Variants in PIK3CD observed in about 807,000 individuals in gnomAD.
The protein encoded by PIK3CD is phosphatidylinositol 4,5-bisphosphate 3-kinase catalytic subunit delta isoform.
In PIK3CD, 20 loss-of-function variants were observed where a neutral mutation model predicts 122.9. The ratio of observed to expected loss-of-function variants is 0.16; its 90% CI spans 0.11 to 0.24. The LOEUF is 0.24. Ranked by LOEUF, PIK3CD falls within the 10% of genes least tolerant of loss-of-function variation. PIK3CD has a pLI of 1.00. For synonymous variants in PIK3CD, 596 were observed against 593.4 expected (o/e 1.00, Z -0.06); for missense variants, 787 against 1,406.3 (o/e 0.56, Z 7.04).
chr1:9,714,461 C>T (rs1316188774), intron 3 of PIK3CD, among the ~76,000 whole-genome samples: 1 of 152,114 alleles, frequency 6.6e-6, no homozygotes, highest in Non-Finnish European at 1.5e-5. Context: ...GGGTGGTTTG[C>T]TCACCCCTGG....
chr1:9,723,755 G>A lies in PIK3CD; in HGVS notation c.2595-214G>A, dbSNP rs113048577. The stretch of plus-strand genomic sequence containing the variant: ...AGCCTCACCTTCCTTCCGTGGCTCT[G>A]TATTGAGGGTATGGGGTTCAAGATC... On this transcript the variant is annotated intron_variant, in intron 20 of 23. Coordinates refer to ENST00000377346, the MANE Select transcript of PIK3CD (RefSeq NM_005026.5). The surrounding 1 kb of genome is among the most constrained non-coding windows in gnomAD (Gnocchi z 4.9). 1.3e-5 allele frequency among the ~76,000 whole-genome samples: 2 copies of A among 152,286 alleles called. No homozygotes were observed. The highest frequency in any genetic ancestry group is 4.8e-5 in the African/African-American group (2 of 41,552).
Position 9,689,792 on chromosome 1 carries a change from C to G in PIK3CD, c.-137-1675C>G, listed in dbSNP as rs1646127782. On this transcript the variant is annotated intron_variant, in intron 1 of 23. Coordinates refer to ENST00000377346, the MANE Select transcript of PIK3CD (RefSeq NM_005026.5). The surrounding 1 kb of genome is among the most constrained non-coding windows in gnomAD (Gnocchi z 6.1). The stretch of plus-strand genomic sequence containing the variant: ...GCCCCCAGCCCCGCCGGGCGTCCCA[C>G]CCCGCCCAGCCCCGGGCTTTGTCCG... Among the ~76,000 whole-genome samples, 2 of 151,992 alleles carry G rather than the reference C, an allele frequency of 1.3e-5. No homozygotes were observed. The highest frequency in any genetic ancestry group is 4.1e-4 in the South Asian group (2 of 4,822).
At chr1:9,650,843 C>CCTTTT (rs1644658566), upstream of PIK3CD, among the ~76,000 whole-genome samples, 1 of 146,724 alleles carries the variant, frequency 6.8e-6, no homozygotes, top group Admixed American at 6.8e-5. Context: ...TGGAGATTTT[C>CCTTTT]CTTTTCTTTT....
In PIK3CD at chr1:9,689,544, C is replaced by G. The variant is rs1209226513; in HGVS notation, c.-137-1923C>G. Among the ~76,000 whole-genome samples the G allele has an allele frequency of 1.4e-5, 2 of 147,916 alleles. No individual in the cohort carries two copies. Among genetic ancestry groups the G allele is most frequent in the Admixed American group, 6.7e-5 (1 of 14,928 alleles). ...GTCCCAGCCCCGCCCCGGGCCGCGC[C>G]CCTCCGCCGAGCCCCGCTTGCCTGC... On this transcript the variant is annotated intron_variant, in intron 1 of 23. Transcript: ENST00000377346. This position sits in a 1 kb window ranked among gnomAD's most constrained non-coding sequence, Gnocchi z 6.1.
chr1:9,645,015 CTT>C, the PIK3CD span, among the ~76,000 whole-genome samples: 1 of 105,392 alleles, frequency 9.5e-6, no homozygotes, highest in Non-Finnish European at 1.7e-5. Flanking sequence ...CTTTTCTTTT[CTT>C]TTCTTTTCTT....
the PIK3CD span, among the ~76,000 whole-genome samples, chr1:9,640,561 A>C: frequency 6.6e-6 from 1 of 151,970 alleles, no homozygotes; most frequent in Non-Finnish European, 1.5e-5. Context: ...CCTGGGCAAC[A>C]AGAGCAAAAC....
At chr1:9,639,938 C>T in the PIK3CD span, among the ~76,000 whole-genome samples, 150 of 152,040 alleles carry the variant, frequency 9.9e-4, no homozygotes, top group Non-Finnish European at 1.7e-3. Context: ...GACGAGGGCT[C>T]ACTATGTTTC....
the PIK3CD span, among the ~76,000 whole-genome samples, chr1:9,638,107 A>AAAATAAAT: frequency 9.5e-3 from 1,441 of 151,654 alleles, 26 homozygotes; most frequent in Admixed American, 0.042. Context: ...ACTCTGTCTC[A>AAAATAAAT]AAATAAATAA....
chr1:9,659,276 T>A (rs986916607), intron 1 of PIK3CD, among the ~76,000 whole-genome samples: 1 of 152,134 alleles, frequency 6.6e-6, no homozygotes, highest in African/African-American at 2.4e-5. Context: ...CGTTTACCTA[T>A]GCAACAAACC....
chr1:9,644,983 C>T, the PIK3CD span, among the ~76,000 whole-genome samples: 1 of 151,642 alleles, frequency 6.6e-6, no homozygotes, highest in Non-Finnish European at 1.5e-5. Flanking sequence ...CAGAGCTTGC[C>T]CAGATCTCCA....
the PIK3CD span, among the ~76,000 whole-genome samples, chr1:9,638,694 T>A: frequency 7.9e-6 from 1 of 126,016 alleles, no homozygotes; most frequent in African/African-American, 3.1e-5. Flanking sequence ...ATTGCACCAC[T>A]GCACTCCAGC....
At chr1:9,653,426 C>A in intron 1 of PIK3CD, 1 of 242,460 alleles carries the variant, frequency 4.1e-6, no homozygotes, top group Non-Finnish European at 8.2e-6. Flanking sequence ...ACACAGTTTA[C>A]AAGTAGTTTC....
In PIK3CD at chr1:9,717,701, C is replaced by A; in HGVS notation, c.1020+75C>A. 1 of 1,332,156 alleles carries A rather than the reference C, an allele frequency of 7.5e-7. No individual in the cohort carries two copies. The highest frequency in any genetic ancestry group is 1.9e-5 in the Admixed American group (1 of 53,846). 82.5% of individuals were successfully genotyped at this position (1,332,156 alleles called of 1,614,324 possible). On this transcript the variant is annotated intron_variant, in intron 8 of 23. Transcript: ENST00000377346. The surrounding 1 kb of genome is among the most constrained non-coding windows in gnomAD (Gnocchi z 5.4). Reference sequence around the variant, plus strand: ...AGGTGGCTGTATCCTGGAGGGGTAGCAGAGGAAGGAGGGGGATCACATGAA... The same window carrying A: ...AGGTGGCTGTATCCTGGAGGGGTAGAAGAGGAAGGAGGGGGATCACATGAA...
the PIK3CD span, among the ~76,000 whole-genome samples, chr1:9,629,271 G>A: frequency 6.6e-6 from 1 of 151,936 alleles, no homozygotes; most frequent in African/African-American, 2.4e-5. Flanking sequence ...GTTGTCACTG[G>A]GGTGCCTTCC....
At chr1:9,642,123 T>C in the PIK3CD span, among the ~76,000 whole-genome samples, 1 of 146,662 alleles carries the variant, frequency 6.8e-6, no homozygotes, top group Admixed American at 6.7e-5. Context: ...AATTAACTTG[T>C]TTATTTTGAA....
At chr1:9,709,000 G>A (rs1297927564) in intron 2 of PIK3CD, among the ~76,000 whole-genome samples, 2 of 151,974 alleles carry the variant, frequency 1.3e-5, no homozygotes, top group East Asian at 1.9e-4. Flanking sequence ...CTAGGGGTGG[G>A]TATGACTGGA....
the PIK3CD span, among the ~76,000 whole-genome samples, chr1:9,642,578 G>A: frequency 2.5e-3 from 380 of 150,346 alleles, 3 homozygotes; most frequent in Non-Finnish European, 2.3e-3. Flanking sequence ...TTAGCCGGGC[G>A]CAGTGGCGGG....
chr1:9,649,957 T>G (rs2100657212), upstream of PIK3CD, among the ~76,000 whole-genome samples: 1 of 152,278 alleles, frequency 6.6e-6, no homozygotes, highest in Non-Finnish European at 1.5e-5. Context: ...ACCCTCTAAA[T>G]TCCTTGGCTG....
chr1:9,721,537 C>T lies in PIK3CD; in HGVS notation c.1905C>T (p.Asp635=), dbSNP rs1456414758. 1.2e-6 allele frequency: 2 copies of T among 1,613,852 alleles called. No homozygotes were observed. Among genetic ancestry groups the T allele is most frequent in the Non-Finnish European group, 1.7e-6 (2 of 1,180,032 alleles). ...LDCELTKFLL[D]RALANRKIGH... ...GCGAGCTGACCAAATTCCTGCTGGA[C>T]CGGGCCCTGGCCAACCGCAAGATCG... Residue 635 remains aspartate (D), a synonymous_variant, in exon 15 of 24, where the codon GAC becomes GAT. Transcript: ENST00000377346.
Sources: gnomAD v4.1 joint callset for allele counts (sites outside exome capture counted in the v4.1 genomes callset) on GRCh38, gnomAD v4.1.1 for gene constraint, Gnocchi (gnomAD v3.1) non-coding constraint, MANE v1.5 for transcripts, NCBI Gene and HGNC (gene_info 2026-07-23, HGNC 2026-07-21) for gene names.